The following GALNTL6 variants were observed in gnomAD, a reference collection of about 807,000 sequenced individuals.
The protein encoded by GALNTL6 is polypeptide N-acetylgalactosaminyltransferase-like 6.
A neutral mutation model predicts 73.7 loss-of-function variants in GALNTL6; 46 were observed. The observed-to-expected ratio is 0.62, with a 90% confidence interval of 0.49 to 0.80. The LOEUF (loss-of-function observed/expected upper bound fraction) is 0.80. Among genes scored for constraint, GALNTL6 ranks in the 30% least tolerant of loss-of-function variants. The pLI is 0.00. For synonymous variants in GALNTL6, 259 were observed against 263.7 expected (o/e 0.98, Z 0.17); for missense variants, 604 against 755.0 (o/e 0.80, Z 2.34).
chr4:172,579,179 A>G (rs1737071061), intron 5 of GALNTL6, among the ~76,000 whole-genome samples: 1 of 152,326 alleles, frequency 6.6e-6, no homozygotes, highest in South Asian at 2.1e-4. Flanking sequence ...ACTGTTGTCA[A>G]AAATTTTTGC....
At chr4:172,219,543 C>T (rs1432767451) in intron 2 of GALNTL6, among the ~76,000 whole-genome samples, 1 of 151,684 alleles carries the variant, frequency 6.6e-6, no homozygotes, top group Non-Finnish European at 1.5e-5. Context: ...AAATTATTTT[C>T]AGAGTACAGA....
chr4:172,741,485 T>C (rs6855529), intron 5 of GALNTL6, among the ~76,000 whole-genome samples: 54,501 of 151,874 alleles, frequency 0.36, 10,827 homozygotes, highest in African/African-American at 0.52. Flanking sequence ...ATACATTTCA[T>C]ATATGTACAT....
At chr4:172,718,846 A>T (rs545698353) in intron 5 of GALNTL6, among the ~76,000 whole-genome samples, 2 of 152,164 alleles carry the variant, frequency 1.3e-5, no homozygotes, top group South Asian at 4.1e-4. Context: ...TCATCTTCCT[A>T]TTGCTGCTGC....
At chr4:172,009,980 T>C (rs914475749) in intron 2 of GALNTL6, among the ~76,000 whole-genome samples, 2 of 152,150 alleles carry the variant, frequency 1.3e-5, no homozygotes, top group African/African-American at 4.8e-5. Flanking sequence ...CTGAAAGCCA[T>C]ATAGAACAAT....
rs144654779 is a variant in GALNTL6, at chr4:172,689,789, G to A, written c.554-119572G>A. 3.3e-5 allele frequency among the ~76,000 whole-genome samples: 5 copies of A among 152,278 alleles called. No individual in the cohort carries two copies. The East Asian group carries it at 9.7e-4, about 29-fold the overall frequency. On this transcript the variant is annotated intron_variant, in intron 5 of 12. Coordinates refer to ENST00000506823, the MANE Select transcript of GALNTL6 (RefSeq NM_001034845.3). The stretch of plus-strand genomic sequence containing the variant: ...AGAAAACTGTATGAAGCCATCCCAA[G>A]TAGAGCATATGTACCTTCAAGTTCA...
intron 5 of GALNTL6, among the ~76,000 whole-genome samples, chr4:172,648,616 A>G (rs1740345570): frequency 6.6e-6 from 1 of 152,184 alleles, no homozygotes; most frequent in Non-Finnish European, 1.5e-5. Flanking sequence ...ATACCCAAAG[A>G]CTGAGTCTAC....
chr4:172,191,280 C>CA (rs1217209345), intron 2 of GALNTL6, among the ~76,000 whole-genome samples: 1 of 152,186 alleles, frequency 6.6e-6, no homozygotes, highest in African/African-American at 2.4e-5. Context: ...AATTCTCTCT[C>CA]AAAGTCCGTT....
chr4:172,447,876 A>G (rs1032268744), intron 5 of GALNTL6, among the ~76,000 whole-genome samples: 1 of 152,222 alleles, frequency 6.6e-6, no homozygotes, highest in African/African-American at 2.4e-5. Context: ...TATTAAAGGC[A>G]AACCTAGACT....
chr4:172,377,344 C>T (rs984960298), intron 5 of GALNTL6, among the ~76,000 whole-genome samples: 4 of 152,146 alleles, frequency 2.6e-5, no homozygotes, highest in African/African-American at 9.6e-5. Flanking sequence ...TAGCTAGATA[C>T]AGAGTGCTGA....
chr4:172,030,165 A>G (rs547978526), intron 2 of GALNTL6, among the ~76,000 whole-genome samples: 20 of 152,260 alleles, frequency 1.3e-4, no homozygotes, highest in African/African-American at 4.8e-4. Flanking sequence ...ATTCCACCAC[A>G]TTGCCATAAA....
intron 2 of GALNTL6, among the ~76,000 whole-genome samples, chr4:171,872,092 A>G (rs1168690798): frequency 6.6e-6 from 1 of 152,134 alleles, no homozygotes; most frequent in African/African-American, 2.4e-5. Context: ...TGTTAGATAT[A>G]CTTTGCTAAA....
intron 7 of GALNTL6, among the ~76,000 whole-genome samples, chr4:172,850,813 CTA>C (rs1298907473): frequency 6.6e-6 from 1 of 152,126 alleles, no homozygotes; most frequent in East Asian, 1.9e-4. Context: ...AAGATTTTCC[CTA>C]TGTTTACCCA....
At chr4:172,746,533 T>C (rs528517222) in intron 5 of GALNTL6, among the ~76,000 whole-genome samples, 1 of 152,068 alleles carries the variant, frequency 6.6e-6, no homozygotes, top group Non-Finnish European at 1.5e-5. Context: ...TTTGTAAAAA[T>C]TTCTCTATAT....
chr4:171,994,542 A>G (rs1342254110), intron 2 of GALNTL6, among the ~76,000 whole-genome samples: 1 of 151,992 alleles, frequency 6.6e-6, no homozygotes, highest in Non-Finnish European at 1.5e-5. Context: ...AGGATGAGAG[A>G]TGAAGGACTA....
At chr4:172,525,401 A>T (rs1041504085) in intron 5 of GALNTL6, among the ~76,000 whole-genome samples, 5 of 151,978 alleles carry the variant, frequency 3.3e-5, no homozygotes, top group Non-Finnish European at 5.9e-5. Context: ...ATTTTTTTTT[A>T]AATTTGTGTG....
chr4:172,561,259 C>CAAAAAAAAAAAAAA, intron 5 of GALNTL6, among the ~76,000 whole-genome samples: 1 of 60,130 alleles, frequency 1.7e-5, no homozygotes, highest in Non-Finnish European at 2.7e-5. Flanking sequence ...GACTCCGTCT[C>CAAAAAAAAAAAAAA]AAAAAAAAAA....
intron 7 of GALNTL6, among the ~76,000 whole-genome samples, chr4:172,817,428 A>T (rs1048649185): frequency 7.2e-5 from 11 of 152,128 alleles, no homozygotes; most frequent in Admixed American, 7.2e-4. Context: ...TTGCAAAAAA[A>T]AAAAGTTGAA....
intron 5 of GALNTL6, among the ~76,000 whole-genome samples, chr4:172,485,692 A>G (rs1166457272): frequency 6.6e-6 from 1 of 152,186 alleles, no homozygotes; most frequent in Non-Finnish European, 1.5e-5. Flanking sequence ...TTGGAGTAAG[A>G]TATGTTCCAA....
At chr4:172,082,575 T>C (rs952726612) in intron 2 of GALNTL6, among the ~76,000 whole-genome samples, 1 of 152,044 alleles carries the variant, frequency 6.6e-6, no homozygotes, top group Non-Finnish European at 1.5e-5. Flanking sequence ...ACAATGAACA[T>C]TGAAAGTAAA....
Sources: gnomAD v4.1 joint callset for allele counts (sites outside exome capture counted in the v4.1 genomes callset) on GRCh38, gnomAD v4.1.1 for gene constraint, MANE v1.5 for transcripts, NCBI Gene and HGNC (gene_info 2026-07-23, HGNC 2026-07-21) for gene names.